The following WWC1 variants were observed in gnomAD, a reference collection of about 807,000 sequenced individuals.
WWC1 encodes protein KIBRA.
In WWC1, 55 loss-of-function variants were observed where a neutral mutation model predicts 138.4. The ratio of observed to expected loss-of-function variants is 0.40; its 90% CI spans 0.32 to 0.50. The LOEUF (loss-of-function observed/expected upper bound fraction) is 0.50. Among genes scored for constraint, WWC1 ranks in the 20% least tolerant of loss-of-function variants. WWC1 has a pLI of 0.72. For synonymous variants in WWC1, 524 were observed against 564.9 expected (o/e 0.93, Z 1.03); for missense variants, 1,226 against 1,420.4 (o/e 0.86, Z 2.20).
intron 1 of WWC1, among the ~76,000 whole-genome samples, chr5:168,336,319 C>G (rs1425718479): frequency 1.3e-5 from 2 of 152,020 alleles, no homozygotes; most frequent in African/African-American, 4.8e-5. Flanking sequence ...GCCTGTAATC[C>G]CAGCACCTTG....
At chr5:168,346,890 T>G (rs1244555426) in intron 1 of WWC1, among the ~76,000 whole-genome samples, 1 of 152,196 alleles carries the variant, frequency 6.6e-6, no homozygotes, top group Non-Finnish European at 1.5e-5. Flanking sequence ...CCCAGATGCC[T>G]TCATTCTGAT....
At chr5:168,445,568 GT>G (rs1582326027) in intron 17 of WWC1, among the ~76,000 whole-genome samples, 3 of 151,780 alleles carry the variant, frequency 2.0e-5, no homozygotes, top group Admixed American at 1.3e-4. Context: ...AGGCATGGTG[GT>G]GGGCACCTGT....
At chr5:168,414,792 T>C in intron 9 of WWC1, 2 of 739,578 alleles carry the variant, frequency 2.7e-6, no homozygotes, top group Non-Finnish European at 4.1e-6. Context: ...CCTGGAATTT[T>C]GCATGGTGAA....
Position 168,397,819 on chromosome 5 carries a change from T to C in WWC1, c.510+19T>C, listed in dbSNP as rs1428927923. On this transcript the variant is annotated intron_variant, in intron 4 of 22. Coordinates refer to ENST00000265293, the MANE Select transcript of WWC1 (RefSeq NM_015238.3). ...ATCCCGGGTAGGACCTCTTCACCTA[T>C]GCTATGTGCTAGTGATTGGGGCCAC... 2.5e-6 allele frequency: 4 copies of C among 1,613,846 alleles called. No homozygotes were observed. Among genetic ancestry groups the C allele is most frequent in the South Asian group, 1.1e-5 (1 of 91,072 alleles).
intron 1 of WWC1, among the ~76,000 whole-genome samples, chr5:168,346,975 T>C (rs745388867): frequency 3.5e-4 from 53 of 152,138 alleles, no homozygotes; most frequent in Non-Finnish European, 5.6e-4. Context: ...CAGGAAGAGC[T>C]GAGCAGGGGA....
At chr5:168,405,550 T>G (rs1278156925) in intron 5 of WWC1, among the ~76,000 whole-genome samples, 2 of 152,158 alleles carry the variant, frequency 1.3e-5, no homozygotes, top group African/African-American at 4.8e-5. Flanking sequence ...CTATGTGTGA[T>G]GTATATGGGA....
At chr5:168,308,042 A>G (rs1382833486) in intron 1 of WWC1, among the ~76,000 whole-genome samples, 1 of 152,174 alleles carries the variant, frequency 6.6e-6, no homozygotes, top group Non-Finnish European at 1.5e-5. Flanking sequence ...CTTGGTCTGC[A>G]GCATTCCTGC....
At chr5:168,403,006 T>TCTCTTTC (rs1561711820) in intron 5 of WWC1, among the ~76,000 whole-genome samples, 1 of 105,608 alleles carries the variant, frequency 9.5e-6, no homozygotes. Flanking sequence ...TGTTGTTTCT[T>TCTCTTTC]TTTCTTTCTT....
intron 11 of WWC1, among the ~76,000 whole-genome samples, chr5:168,424,411 G>C (rs1781356060): frequency 6.6e-6 from 1 of 152,216 alleles, no homozygotes. Flanking sequence ...TAAGGATTCT[G>C]TGTTGAAGAC....
intron 8 of WWC1, among the ~76,000 whole-genome samples, chr5:168,411,358 C>T (rs144619263): frequency 6.6e-6 from 1 of 152,336 alleles, no homozygotes; most frequent in African/African-American, 2.4e-5. Context: ...TGTGGACCTT[C>T]TCAGCCAGGC....
chr5:168,453,628 C>A (rs985549806), intron 17 of WWC1, among the ~76,000 whole-genome samples: 1 of 152,180 alleles, frequency 6.6e-6, no homozygotes, highest in Admixed American at 6.5e-5. Context: ...TCACTGCAAC[C>A]TCCACCTCCC....
At chr5:168,452,843 G>A (rs762777351) in intron 17 of WWC1, among the ~76,000 whole-genome samples, 1 of 151,888 alleles carries the variant, frequency 6.6e-6, no homozygotes, top group Admixed American at 6.6e-5. Flanking sequence ...TCCAACGTTT[G>A]GAAGCCCTAC....
intron 1 of WWC1, among the ~76,000 whole-genome samples, chr5:168,311,031 C>T (rs575392039): frequency 6.6e-5 from 10 of 152,262 alleles, no homozygotes; most frequent in African/African-American, 2.4e-4. Context: ...AATTGGTAGC[C>T]ATGGTTGCTG....
At chr5:168,310,836 T>TAAAAAAAAAAA (rs541770385) in intron 1 of WWC1, among the ~76,000 whole-genome samples, 2 of 112,192 alleles carry the variant, frequency 1.8e-5, no homozygotes. Flanking sequence ...AGACCCTGTC[T>TAAAAAAAAAAA]AAAAAAAAAG....
At chr5:168,358,004 T>C (rs1039823305) in intron 1 of WWC1, among the ~76,000 whole-genome samples, 1 of 152,220 alleles carries the variant, frequency 6.6e-6, no homozygotes, top group African/African-American at 2.4e-5. Flanking sequence ...CACTGTGATG[T>C]GTTCACTTGG....
chr5:168,405,652 T>C (rs887330997), intron 5 of WWC1, among the ~76,000 whole-genome samples: 1 of 151,768 alleles, frequency 6.6e-6, no homozygotes, highest in Non-Finnish European at 1.5e-5. Flanking sequence ...TCATGAGCAG[T>C]GTTGCTTCTG....
rs79300119 is a variant in WWC1, at chr5:168,318,059, AT to A, written c.119+25800del. ...TTGCTGCTCTCTTTGATAAAGTATG[AT>A]TTTTTTTTTTTAACTTTCTGATTAG... is the stretch of plus-strand genomic sequence containing the variant. On this transcript the variant is annotated intron_variant, in intron 1 of 22. Transcript: ENST00000265293. Among the ~76,000 whole-genome samples the A allele has an allele frequency of 2.8e-3, 415 of 146,164 alleles. 3 individuals carry two copies. Among genetic ancestry groups the A allele is most frequent in the East Asian group, 0.011 (57 of 5,048 alleles).
At chr5:168,468,039 T>TACTG in intron 22 of WWC1, 75 bp downstream of exon 22, 1 of 1,590,442 alleles carries the variant, frequency 6.3e-7, no homozygotes, top group Non-Finnish European at 8.6e-7. Context: ...TCTGTGGTCT[T>TACTG]ACTGCTCTCA....
In WWC1 at chr5:168,431,365, T is replaced by A; in HGVS notation, c.2201T>A (p.Met734Lys). 1 of 1,614,124 alleles carries A rather than the reference T, an allele frequency of 6.2e-7. No homozygotes were observed. The highest frequency in any genetic ancestry group is 8.5e-7 in the Non-Finnish European group (1 of 1,180,016). ...TTCAATGAGGTGTTCTGGGTATCCA[T>A]GTCCTATCCAGCCCTTCACCAGAAG... is the stretch of plus-strand genomic sequence containing the variant. The part of the protein sequence containing the change: ...LVFNEVFWVS[M>K]SYPALHQKTL... Residue 734 changes from methionine to lysine, a missense_variant, in exon 15 of 23, where the codon ATG (methionine) becomes AAG (lysine). By Grantham distance (95) the Met-to-Lys change is moderately conservative. Coordinates refer to ENST00000265293, the MANE Select transcript of WWC1 (RefSeq NM_015238.3).
Sources: allele counts gnomAD v4.1 joint callset (sites outside exome capture counted in the v4.1 genomes callset), GRCh38; gene constraint gnomAD v4.1.1; transcripts MANE v1.5; gene names NCBI Gene and HGNC (gene_info 2026-07-23, HGNC 2026-07-21).